TPP2: variants seen among roughly 807,000 people sequenced by gnomAD.
TPP2 encodes the protein tripeptidyl peptidase 2.
In TPP2, 34 loss-of-function variants were observed where a neutral mutation model predicts 155.9. The ratio of observed to expected loss-of-function variants is 0.22; its 90% CI spans 0.17 to 0.29. TPP2 has a LOEUF of 0.29. TPP2 is among the 10% of genes least tolerant of loss of function. The pLI is 1.00. For missense variants in TPP2, 1,028 were observed against 1,522.3 expected (o/e 0.68, Z 5.40); for synonymous variants, 510 against 529.4 (o/e 0.96, Z 0.50).
At chr13:102,632,627 G>T (rs1882094599) in intron 10 of TPP2, among the ~76,000 whole-genome samples, 1 of 152,198 alleles carries the variant, frequency 6.6e-6, no homozygotes, top group Admixed American at 6.5e-5. Flanking sequence ...TTAATAAAGA[G>T]CAATAAGTAG....
chr13:102,632,488 C>T (rs905270929), intron 10 of TPP2, among the ~76,000 whole-genome samples: 1 of 152,130 alleles, frequency 6.6e-6, no homozygotes, highest in African/African-American at 2.4e-5. Flanking sequence ...GATCTGCCCG[C>T]CTCGGCCTCC....
chr13:102,633,688 G>A (rs1014770317), intron 10 of TPP2, among the ~76,000 whole-genome samples: 1 of 152,152 alleles, frequency 6.6e-6, no homozygotes, highest in Non-Finnish European at 1.5e-5. Flanking sequence ...ACTGTGGCCT[G>A]TCACACATGC....
chr13:102,633,617 T>C (rs1882168122), intron 10 of TPP2, among the ~76,000 whole-genome samples: 1 of 152,206 alleles, frequency 6.6e-6, no homozygotes, highest in Non-Finnish European at 1.5e-5. Context: ...ATAAGAGAGA[T>C]GTACACTCAT....
At chr13:102,621,115 C>T (rs1927014) in intron 5 of TPP2, among the ~76,000 whole-genome samples, 72,660 of 151,996 alleles carry the variant, frequency 0.48, 17,581 homozygotes, top group African/African-American at 0.54. Flanking sequence ...CATACTTGTC[C>T]TCTGTCGTGT....
intron 29 of TPP2, 120 bp downstream of exon 29, chr13:102,676,535 C>G: frequency 8.4e-7 from 1 of 1,190,508 alleles, no homozygotes; most frequent in East Asian, 2.6e-5. Context: ...CCAGTTATTA[C>G]AGTAATTAGC....
chr13:102,672,501 C>T (rs933545059), intron 27 of TPP2, among the ~76,000 whole-genome samples: 2 of 152,162 alleles, frequency 1.3e-5, no homozygotes, highest in Non-Finnish European at 2.9e-5. Context: ...TGCAAAACCT[C>T]GCGGCCTTCC....
In TPP2 at chr13:102,604,849, C is replaced by T. The variant is rs758344034; in HGVS notation, c.222C>T (p.Gly74=). ...IVDIIDTTGS[G]DVNTATEVEP... Reference sequence around the variant, plus strand: ...ATATCATTGATACAACAGGAAGTGGCGATGTGAATACTGCTACAGAAGTAG... The same window carrying T: ...ATATCATTGATACAACAGGAAGTGGTGATGTGAATACTGCTACAGAAGTAG... The change falls in exon 2 of 30, where the codon GGC becomes GGT. Residue 74 remains glycine (G), a synonymous_variant. Coordinates refer to ENST00000376052, the MANE Select transcript of TPP2 (RefSeq NM_001330588.2). 21 of 1,613,792 alleles carry T rather than the reference C, an allele frequency of 1.3e-5. No homozygotes were observed. The highest frequency in any genetic ancestry group is 4.5e-5 in the East Asian group (2 of 44,880).
chr13:102,626,319 CT>C (rs2139475434), intron 6 of TPP2, among the ~76,000 whole-genome samples: 1 of 152,164 alleles, frequency 6.6e-6, no homozygotes, highest in East Asian at 1.9e-4. Flanking sequence ...TTTTTGTGAG[CT>C]TTATCTCATA....
chr13:102,661,663 G>T (rs1030361231), intron 25 of TPP2, among the ~76,000 whole-genome samples: 1 of 152,154 alleles, frequency 6.6e-6, no homozygotes, highest in African/African-American at 2.4e-5. Flanking sequence ...TGACCAGTAA[G>T]TGCATGAAAA....
At chr13:102,619,746 CTCTT>C (rs1427843731) in intron 5 of TPP2, among the ~76,000 whole-genome samples, 2 of 152,210 alleles carry the variant, frequency 1.3e-5, no homozygotes, top group African/African-American at 4.8e-5. Context: ...CTGCACATAA[CTCTT>C]TCAATCTAGA....
At chr13:102,651,532 C>CCTG in intron 24 of TPP2, 135 bp downstream of exon 24, 1 of 857,850 alleles carries the variant, frequency 1.2e-6, no homozygotes, top group Non-Finnish European at 1.7e-6. Context: ...AAGTATAGTG[C>CCTG]TCTTAGCTGT....
chr13:102,605,337 C>T (rs1202655874), intron 2 of TPP2, among the ~76,000 whole-genome samples: 1 of 152,186 alleles, frequency 6.6e-6, no homozygotes, highest in East Asian at 1.9e-4. Flanking sequence ...ACGATGAAAG[C>T]CACAGGCTTT....
intron 6 of TPP2, among the ~76,000 whole-genome samples, chr13:102,624,840 T>C (rs548975847): frequency 0.011 from 416 of 36,570 alleles, 3 homozygotes; most frequent in African/African-American, 0.062. Flanking sequence ...ATGTACTTAA[T>C]TTTTTTTTTT....
At chr13:102,650,089 T>C (rs899859099) in intron 23 of TPP2, among the ~76,000 whole-genome samples, 4 of 152,166 alleles carry the variant, frequency 2.6e-5, no homozygotes, top group African/African-American at 4.8e-5. Flanking sequence ...TGTTGTACTT[T>C]AGACATATAT....
In TPP2 at chr13:102,637,098, A is replaced by G; in HGVS notation, c.1695A>G (p.Ile565Met). The G allele has an allele frequency of 6.3e-7, 1 of 1,587,666 alleles. No individual in the cohort carries two copies. Among genetic ancestry groups the G allele is most frequent in the Non-Finnish European group, 8.5e-7 (1 of 1,173,278 alleles). ...FPENTENSEK[I>M]SLQLHLALTS... The stretch of plus-strand genomic sequence containing the variant: ...TCGTGCCAGAAAACTCTGAAAAAAT[A>G]TCCCTTCAGCTTCATTTAGCTCTGA... The change falls in exon 14 of 30, where the codon ATA becomes ATG. Residue 565 changes from isoleucine to methionine, a missense_variant. Coordinates refer to ENST00000376052, the MANE Select transcript of TPP2 (RefSeq NM_001330588.2).
intron 19 of TPP2, among the ~76,000 whole-genome samples, chr13:102,645,405 T>G (rs1329032510): frequency 6.6e-6 from 1 of 152,238 alleles, no homozygotes; most frequent in Admixed American, 6.5e-5. Flanking sequence ...TAGCCTGCTG[T>G]TTGTGCCTCA....
At chr13:102,654,813 C>T (rs748514163) in intron 24 of TPP2, 6 of 389,940 alleles carry the variant, frequency 1.5e-5, no homozygotes, top group Non-Finnish European at 2.6e-5. Flanking sequence ...ACAGATGACA[C>T]TGATGCAGTC....
At chr13:102,667,214 A>AGT (rs111297112) in intron 27 of TPP2, among the ~76,000 whole-genome samples, 152,303 of 152,310 alleles carry the variant, frequency 1, 76,148 homozygotes, top group Middle Eastern at 1. Flanking sequence ...TAATCTTAAA[A>AGT]AATATTAACT....
chr13:102,638,687 T>C (rs1261062256), intron 15 of TPP2, among the ~76,000 whole-genome samples: 1 of 152,230 alleles, frequency 6.6e-6, no homozygotes, highest in Non-Finnish European at 1.5e-5. Flanking sequence ...TCTGTCGTTT[T>C]TGGGATTTAC....
Sources: gnomAD v4.1 joint callset for allele counts (sites outside exome capture counted in the v4.1 genomes callset) on GRCh38, gnomAD v4.1.1 for gene constraint, MANE v1.5 for transcripts, NCBI Gene and HGNC (gene_info 2026-07-23, HGNC 2026-07-21) for gene names.